Variants in KCNG3 observed in about 807,000 individuals in gnomAD.
The protein encoded by KCNG3 is voltage-gated potassium channel regulatory subunit KCNG3.
In KCNG3, 15 loss-of-function variants were observed where a neutral mutation model predicts 29.0. The observed-to-expected ratio is 0.52, with a 90% CI of 0.35 to 0.80. The LOEUF (loss-of-function observed/expected upper bound fraction) is 0.80, where lower values mean the gene tolerates loss of function less well. Ranked by LOEUF, KCNG3 falls within the 30% of genes least tolerant of loss-of-function variation. The pLI is 0.01. For synonymous variants in KCNG3, 322 were observed against 248.9 expected (o/e 1.29, Z -2.76); for missense variants, 512 against 605.7 (o/e 0.85, Z 1.62).
At chr2:42,397,716 C>T in the KCNG3 span, among the ~76,000 whole-genome samples, 1 of 152,164 alleles carries the variant, frequency 6.6e-6, no homozygotes, top group Non-Finnish European at 1.5e-5. Context: ...GTGTTTTCCT[C>T]TTCTTTCTAC....
Position 42,478,259 on chromosome 2 carries a change from A to G in KCNG3, c.665+14578T>C, listed in dbSNP as rs563620046. Among the ~76,000 whole-genome samples the G allele has an allele frequency of 7.2e-4, 110 of 152,238 alleles. 2 individuals carry two copies. In the South Asian group the frequency reaches 0.022, roughly 31 times the overall value. ...ATTAAACTAGAATTTTTTTTGAGAT[A>G]GGGTCTCACTATGTTGCCCAGGTTG... On this transcript the variant is annotated intron_variant, in intron 1 of 1. Transcript: ENST00000306078.
At chr2:42,486,193 G>T (rs1673716022) in intron 1 of KCNG3, among the ~76,000 whole-genome samples, 1 of 152,194 alleles carries the variant, frequency 6.6e-6, no homozygotes, top group Admixed American at 6.5e-5. Flanking sequence ...AGGGTCCCCA[G>T]TGCCTGTGGG....
chr2:42,421,711 G>A, the KCNG3 span, among the ~76,000 whole-genome samples: 1 of 152,072 alleles, frequency 6.6e-6, no homozygotes, highest in African/African-American at 2.4e-5. Flanking sequence ...AAATACCTCA[G>A]AATCTTAGAA....
downstream of KCNG3, among the ~76,000 whole-genome samples, chr2:42,437,175 C>T (rs969944621): frequency 3.3e-5 from 5 of 152,068 alleles, no homozygotes; most frequent in Admixed American, 2.0e-4. Context: ...CAAAAAGATG[C>T]ATACATAAAA....
the KCNG3 span, among the ~76,000 whole-genome samples, chr2:42,419,223 T>C: frequency 1.4e-4 from 13 of 92,056 alleles, no homozygotes; most frequent in East Asian, 1.3e-3. Flanking sequence ...GTATCTCTTT[T>C]TTTTTTTTTT....
At chr2:42,466,684 T>C (rs527303877) in intron 1 of KCNG3, among the ~76,000 whole-genome samples, 4 of 151,710 alleles carry the variant, frequency 2.6e-5, no homozygotes, top group South Asian at 2.1e-4. Context: ...TACAGAATGG[T>C]AGACTGGTAC....
chr2:42,451,185 A>C (rs1196125470), intron 1 of KCNG3, among the ~76,000 whole-genome samples: 2 of 131,956 alleles, frequency 1.5e-5, no homozygotes, highest in South Asian at 2.7e-4. Flanking sequence ...AGCCTGGGTG[A>C]CAGAGCAAGA....
At chr2:42,461,966 T>A (rs894655784) in intron 1 of KCNG3, among the ~76,000 whole-genome samples, 16 of 152,254 alleles carry the variant, frequency 1.1e-4, no homozygotes, top group African/African-American at 3.9e-4. Flanking sequence ...AAATGATATT[T>A]TTAATTTTTT....
the KCNG3 span, among the ~76,000 whole-genome samples, chr2:42,403,092 A>T: frequency 0.29 from 43,964 of 151,966 alleles, 6,763 homozygotes; most frequent in East Asian, 0.57. Context: ...TTTTATTTCT[A>T]AGTATTTTCT....
chr2:42,458,238 G>C (rs1399672834), intron 1 of KCNG3, among the ~76,000 whole-genome samples: 1 of 152,188 alleles, frequency 6.6e-6, no homozygotes, highest in African/African-American at 2.4e-5. Context: ...TCCTCCCACA[G>C]TTTTTAAGGG....
At position 42,493,341 on chromosome 2, in the gene KCNG3, T is replaced by C; in HGVS notation, c.161A>G (p.Tyr54Cys). The C allele has an allele frequency of 6.2e-7, 1 of 1,600,100 alleles. No individual in the cohort carries two copies. Residue 54 changes from tyrosine to cysteine, a missense_variant, in exon 1 of 2, where the codon TAC (tyrosine) becomes TGC (cysteine). Around this residue, in one of 5 missense-constraint regions of KCNG3, gnomAD observed 91 missense variants for 91.1 expected, o/e 1.00. Transcript: ENST00000306078. ...GAAGTACTCGTTGCGCTCGCGGTCGTAGTCGTCGCACACCTCGAGCACGTC... is the reference window on the plus strand; with the variant it reads ...GAAGTACTCGTTGCGCTCGCGGTCGCAGTCGTCGCACACCTCGAGCACGTC... ...ERDVLEVCDD[Y>C]DRERNEYFFD...
At chr2:42,446,774 A>G (rs1672607469) in intron 1 of KCNG3, among the ~76,000 whole-genome samples, 1 of 152,172 alleles carries the variant, frequency 6.6e-6, no homozygotes. Flanking sequence ...TAACTTTATT[A>G]ACTTTTATTT....
the KCNG3 span, among the ~76,000 whole-genome samples, chr2:42,419,985 G>A: frequency 6.6e-6 from 1 of 152,180 alleles, no homozygotes; most frequent in Non-Finnish European, 1.5e-5. Context: ...CACTTTGGGA[G>A]GCTGAGGCGG....
At chr2:42,471,155 A>AGTGTGT (rs565717729) in intron 1 of KCNG3, among the ~76,000 whole-genome samples, 7,575 of 137,534 alleles carry the variant, frequency 0.055, 213 homozygotes, top group Admixed American at 0.071. Flanking sequence ...GTCTCAAAAA[A>AGTGTGT]GTGTGTGTGT....
chr2:42,477,099 G>T (rs2103720317), intron 1 of KCNG3, among the ~76,000 whole-genome samples: 1 of 150,854 alleles, frequency 6.6e-6, no homozygotes, highest in South Asian at 2.1e-4. Context: ...GGCTGAGGCA[G>T]GAGAATGGTG....
chr2:42,394,424 C>G, the KCNG3 span, among the ~76,000 whole-genome samples: 2 of 152,196 alleles, frequency 1.3e-5, no homozygotes, highest in Non-Finnish European at 2.9e-5. Context: ...TCTCCTTCTG[C>G]TCTAACTTAC....
At chr2:42,461,559 C>A (rs1394111227) in intron 1 of KCNG3, among the ~76,000 whole-genome samples, 4 of 152,204 alleles carry the variant, frequency 2.6e-5, no homozygotes, top group African/African-American at 9.7e-5. Flanking sequence ...CCAGAGATGA[C>A]AGCAGCAGAA....
the KCNG3 span, among the ~76,000 whole-genome samples, chr2:42,390,585 A>G: frequency 5.3e-5 from 8 of 152,226 alleles, no homozygotes; most frequent in Admixed American, 5.2e-4. Context: ...CAAAAATTTT[A>G]AAACCCAGGG....
chr2:42,391,053 G>A, the KCNG3 span, among the ~76,000 whole-genome samples: 1 of 152,170 alleles, frequency 6.6e-6, no homozygotes. Flanking sequence ...GGACTCTTCT[G>A]GAGAGCGCTG....
Sources: allele counts gnomAD v4.1 joint callset (sites outside exome capture counted in the v4.1 genomes callset), GRCh38; gene constraint gnomAD v4.1.1; regional missense constraint gnomAD v4.1.1; transcripts MANE v1.5; gene names NCBI Gene and HGNC (gene_info 2026-07-23, HGNC 2026-07-21).